SPATA19: variants seen among roughly 807,000 people sequenced by gnomAD.
SPATA19 encodes the protein spermatogenesis-associated protein 19, mitochondrial.
In SPATA19, 19 loss-of-function variants were observed where a neutral mutation model predicts 25.0. That is an observed-to-expected ratio of 0.76 (90% CI 0.53 to 1.11). The LOEUF (loss-of-function observed/expected upper bound fraction) is 1.11. Among genes scored for constraint, SPATA19 ranks in the 50% most tolerant of loss-of-function variants. The pLI is 0.00. For missense variants in SPATA19, 222 were observed against 211.4 expected (o/e 1.05, Z -0.31); for synonymous variants, 64 against 69.3 (o/e 0.92, Z 0.38).
At chr11:133,844,105 C>A (rs756729578) in intron 4 of SPATA19, 141 bp downstream of exon 4, 2 of 695,138 alleles carry the variant, frequency 2.9e-6, no homozygotes, top group East Asian at 2.5e-5. Context: ...AGGATATTCC[C>A]TTAAGACCCC....
chr11:133,837,595 A>G (rs1031882154), downstream of SPATA19, among the ~76,000 whole-genome samples: 7 of 152,198 alleles, frequency 4.6e-5, no homozygotes, highest in Admixed American at 3.3e-4. Context: ...GCCAGGGCCA[A>G]GCCAGCCTGG....
rs1160138641 is a variant in SPATA19, at chr11:133,845,210, T to C, written c.79-20A>G. ...AATGTCCTGGAACAAATTGGCAAGTTGGTGACCTCAGAAAACCTAGAAATT... is the reference window on the plus strand; with the variant it reads ...AATGTCCTGGAACAAATTGGCAAGTCGGTGACCTCAGAAAACCTAGAAATT... On this transcript the variant is annotated intron_variant, in intron 1 of 6. Coordinates refer to ENST00000299140, the MANE Select transcript of SPATA19 (RefSeq NM_174927.3). 1 of 1,613,848 alleles carries C rather than the reference T, an allele frequency of 6.2e-7. No individual in the cohort carries two copies. The highest frequency in any genetic ancestry group is 1.7e-5 in the Admixed American group (1 of 60,008).
At chr11:133,839,244 C>A (rs573933143), downstream of SPATA19, among the ~76,000 whole-genome samples, 1 of 152,140 alleles carries the variant, frequency 6.6e-6, no homozygotes, top group African/African-American at 2.4e-5. Flanking sequence ...ATGTTTATTG[C>A]GGCACTATTC....
At position 133,842,496 on chromosome 11, in the gene SPATA19, C is replaced by A. The variant is rs536056676; in HGVS notation, c.426G>T (p.Gln142His). The change falls in exon 5 of 7, where the codon CAG becomes CAT. Residue 142 changes from glutamine to histidine, a missense_variant. Transcript: ENST00000299140. ...TCCAAACAGCTTACCTTCGTCTCAC[C>A]TGCTCTATTCGATCTCGCATGATGT... ...TEDIMRDRIEQVRRSISRLTD... is the reference protein window; with the variant it reads ...TEDIMRDRIEHVRRSISRLTD... The A allele has an allele frequency of 3.2e-5, 51 of 1,613,940 alleles. No homozygotes were observed. In the African/African-American group the frequency reaches 6.4e-4, roughly 20 times the overall value.
chr11:133,835,941 C>A (rs978723049), downstream of SPATA19, among the ~76,000 whole-genome samples: 1 of 152,202 alleles, frequency 6.6e-6, no homozygotes, highest in Non-Finnish European at 1.5e-5. Flanking sequence ...TGCCACTGCC[C>A]AGTGGATCCT....
intron 6 of SPATA19, among the ~76,000 whole-genome samples, chr11:133,841,428 G>T (rs921344839): frequency 6.6e-6 from 1 of 152,118 alleles, no homozygotes; most frequent in Non-Finnish European, 1.5e-5. Flanking sequence ...TCCCTTAGCC[G>T]CAGGATGGTC....
downstream of SPATA19, among the ~76,000 whole-genome samples, chr11:133,836,238 G>T (rs1938210048): frequency 6.6e-6 from 1 of 152,134 alleles, no homozygotes; most frequent in Non-Finnish European, 1.5e-5. Context: ...CCCAGGGCTG[G>T]CTGCTCTCCT....
chr11:133,843,301 G>A (rs746555810), intron 4 of SPATA19, among the ~76,000 whole-genome samples: 6 of 152,232 alleles, frequency 3.9e-5, no homozygotes, highest in East Asian at 1.9e-4. Flanking sequence ...GCACAACCAC[G>A]TCAGGCACAG....
chr11:133,844,629 C>T lies in SPATA19; in HGVS notation c.147G>A (p.Glu49=). 6.2e-7 allele frequency: 1 copy of T among 1,605,544 alleles called. No individual in the cohort carries two copies. Among genetic ancestry groups the T allele is most frequent in the East Asian group, 2.2e-5 (1 of 44,804 alleles). ...GCTTTTCCTTTATGCCCCGAGAAGC[C>T]TCTTCTTCTGTCTGAAAGGTGAGAA... is the stretch of plus-strand genomic sequence containing the variant. The part of the protein sequence containing the change: ...LHHWLKKTEE[E]ASRGIKEKLS... The change falls in exon 3 of 7, where the codon GAG becomes GAA. Residue 49 remains glutamate, a synonymous_variant. Transcript: ENST00000299140.
In SPATA19 at chr11:133,844,266, T is replaced by A. The variant is rs772543710; in HGVS notation, c.339A>T (p.Arg113=). Residue 113 remains arginine (R), a synonymous_variant, in exon 4 of 7, where the codon CGA becomes CGT. Transcript: ENST00000299140. The part of the protein sequence containing the change: ...QSQEVLEERT[R]IQFIRWSHTR... ...CTTACCTCCATCTTATGAACTGGAT[T>A]CGTGTTCTCTCCTCTAGGACCTCTT... 1.9e-5 allele frequency: 30 copies of A among 1,614,018 alleles called. No homozygotes were observed. Among genetic ancestry groups the A allele is most frequent in the Non-Finnish European group, 2.5e-5 (30 of 1,180,018 alleles).
intron 3 of SPATA19, 64 bp downstream of exon 3, chr11:133,844,445 C>T (rs1938375926): frequency 1.2e-6 from 2 of 1,612,384 alleles, no homozygotes; most frequent in Admixed American, 1.7e-5. Context: ...ATTTACGGTG[C>T]ACCTCCCACC....
At position 133,845,173 on chromosome 11, in the gene SPATA19, T is replaced by C. The variant is rs1420667009; in HGVS notation, c.96A>G (p.Glu32=). Residue 32 remains glutamate (E), a synonymous_variant, in exon 2 of 7, where the codon GAA becomes GAG. Coordinates refer to ENST00000299140, the MANE Select transcript of SPATA19 (RefSeq NM_174927.3). ...GATGTAGTACAGACACAGCCTCACT[T>C]TCCACAACGTCAATGTCCTGGAACA... is the stretch of plus-strand genomic sequence containing the variant. ...PITSSDIDVV[E]SEAVSVLHHW... 3 of 1,614,022 alleles carry C rather than the reference T, an allele frequency of 1.9e-6. No homozygotes were observed. The highest frequency in any genetic ancestry group is 2.5e-6 in the Non-Finnish European group (3 of 1,180,026).
rs763692136 is a variant in SPATA19, at chr11:133,842,522, C to T, written c.400G>A (p.Asp134Asn). Residue 134 changes from aspartate to asparagine, a missense_variant, in exon 5 of 7, where the codon GAC becomes AAC. Coordinates refer to ENST00000299140, the MANE Select transcript of SPATA19 (RefSeq NM_174927.3). ...IFQVPSEMTE[D>N]IMRDRIEQVR... ...TGCTCTATTCGATCTCGCATGATGT[C>T]CTCTGTCATCTCACTTGGCACTTGG... 3.0e-5 allele frequency: 49 copies of T among 1,613,970 alleles called. 1 individual carries two copies. In the South Asian group the frequency reaches 5.4e-4, roughly 18 times the overall value.
At chr11:133,837,925 C>A (rs1322184000), downstream of SPATA19, among the ~76,000 whole-genome samples, 1 of 152,078 alleles carries the variant, frequency 6.6e-6, no homozygotes, top group Non-Finnish European at 1.5e-5. Flanking sequence ...TCAAAGACAA[C>A]AAGAAAGACA....
intron 4 of SPATA19, among the ~76,000 whole-genome samples, chr11:133,843,791 G>C (rs1055856140): frequency 1.3e-5 from 2 of 152,232 alleles, no homozygotes; most frequent in African/African-American, 4.8e-5. Flanking sequence ...AGTGGGGACG[G>C]CTGTGAGCTG....
At chr11:133,843,502 T>C (rs930055087) in intron 4 of SPATA19, among the ~76,000 whole-genome samples, 5 of 152,114 alleles carry the variant, frequency 3.3e-5, no homozygotes, top group African/African-American at 1.2e-4. Context: ...GGAAACCGTT[T>C]CTTGAGAAAT....
At chr11:133,836,136 A>G (rs554552645), downstream of SPATA19, among the ~76,000 whole-genome samples, 288 of 149,794 alleles carry the variant, frequency 1.9e-3, 2 homozygotes, top group Non-Finnish European at 3.0e-3. Flanking sequence ...GCCCCCTCTC[A>G]CTCCCTCTCT....
chr11:133,842,351 A>T, intron 5 of SPATA19, 134 bp downstream of exon 5: 1 of 796,990 alleles, frequency 1.3e-6, no homozygotes, highest in Non-Finnish European at 2.2e-6. Flanking sequence ...CAGCCCTGGG[A>T]ACTGTGTGTC....
downstream of SPATA19, among the ~76,000 whole-genome samples, chr11:133,838,362 A>G (rs1273464844): frequency 6.6e-6 from 1 of 152,242 alleles, no homozygotes; most frequent in Non-Finnish European, 1.5e-5. Context: ...TCATTGGTAG[A>G]CTGGACAAGG....
Sources: allele counts gnomAD v4.1 joint callset (sites outside exome capture counted in the v4.1 genomes callset), GRCh38; gene constraint gnomAD v4.1.1; transcripts MANE v1.5; gene names NCBI Gene and HGNC (gene_info 2026-07-23, HGNC 2026-07-21).